The following ATP9B variants were observed in gnomAD, a reference collection of about 807,000 sequenced individuals.
ATP9B encodes the protein probable phospholipid-transporting ATPase IIB.
Under a neutral mutation model 146.1 loss-of-function variants are expected in ATP9B, and 110 were observed. The observed-to-expected ratio is 0.75, with a 90% CI of 0.65 to 0.88. The LOEUF (loss-of-function observed/expected upper bound fraction) is 0.88. Among genes scored for constraint, ATP9B ranks in the 40% least tolerant of loss-of-function variants. The probability of loss-of-function intolerance (pLI) is 0.00; values close to 1 mark genes in which losing one functional copy is unlikely to be tolerated. For missense variants in ATP9B, 1,499 were observed against 1,496.4 expected (o/e 1.00, Z -0.03); for synonymous variants, 604 against 569.7 (o/e 1.06, Z -0.86).
In ATP9B at chr18:79,307,020, C is replaced by T; in HGVS notation, c.1559C>T (p.Ser520Leu). The change falls in exon 15 of 30, where the codon TCA becomes TTA. Residue 520 changes from serine (S) to leucine (L), a missense_variant. Transcript: ENST00000426216. ...CAAGCTGGTGGAAACAATACTGGTT[C>T]AACTCCACTAAGAAAAGCCCAATCT... ...QSQAGGNNTG[S>L]TPLRKAQSSA... 6.2e-7 allele frequency: 1 copy of T among 1,614,154 alleles called. No homozygotes were observed. The highest frequency in any genetic ancestry group is 8.5e-7 in the Non-Finnish European group (1 of 1,179,988).
intron 25 of ATP9B, chr18:79,354,246 G>T (rs558697885): frequency 3.2e-4 from 48 of 152,204 alleles, no homozygotes; most frequent in African/African-American, 1.1e-3. Context: ...ATGAGAGTGT[G>T]TTCTCATAGG....
At position 79,281,621 on chromosome 18, in the gene ATP9B, C is replaced by A. The variant is rs142887406; in HGVS notation, c.1411+4425C>A. Among the ~76,000 whole-genome samples, 1,001 of 152,134 alleles carry A rather than the reference C, an allele frequency of 6.6e-3. 5 individuals are homozygous for A. Among genetic ancestry groups the A allele is most frequent in the African/African-American group, 0.023 (936 of 41,496 alleles). On this transcript the variant is annotated intron_variant, in intron 13 of 29. Coordinates refer to ENST00000426216, the MANE Select transcript of ATP9B (RefSeq NM_198531.5). ...TGACAATGTTTTATAACCAGTAAAT[C>A]TAAAAAGCTGAGTAATAGAAAAATT...
intron 1 of ATP9B, among the ~76,000 whole-genome samples, chr18:79,083,866 T>TTC (rs1485453174): frequency 8.2e-6 from 1 of 122,116 alleles, no homozygotes; most frequent in Non-Finnish European, 1.8e-5. Flanking sequence ...CATCTTCTTC[T>TTC]TTTTTTTTTT....
At chr18:79,287,278 T>C (rs1205804070) in intron 13 of ATP9B, among the ~76,000 whole-genome samples, 4 of 152,220 alleles carry the variant, frequency 2.6e-5, no homozygotes, top group Non-Finnish European at 5.9e-5. Context: ...AGCTATTGAT[T>C]ATTGCCACAA....
chr18:79,332,295 G>A (rs2096795354), intron 17 of ATP9B, among the ~76,000 whole-genome samples: 1 of 152,210 alleles, frequency 6.6e-6, no homozygotes, highest in South Asian at 2.1e-4. Context: ...CGGGTGTGGT[G>A]GCGGGCGCCT....
At chr18:79,079,957 C>T (rs970165603) in intron 1 of ATP9B, among the ~76,000 whole-genome samples, 50 of 152,020 alleles carry the variant, frequency 3.3e-4, no homozygotes, top group African/African-American at 8.9e-4. Context: ...AGATGGTTTT[C>T]GATGTGTGGC....
At chr18:79,307,716 C>T (rs1475091718) in intron 15 of ATP9B, among the ~76,000 whole-genome samples, 8 of 152,144 alleles carry the variant, frequency 5.3e-5, no homozygotes, top group African/African-American at 1.9e-4. Context: ...CCAAAACCTA[C>T]AGAAATGGTA....
At chr18:79,219,522 A>T (rs1052762475) in intron 11 of ATP9B, among the ~76,000 whole-genome samples, 112 of 150,158 alleles carry the variant, frequency 7.5e-4, no homozygotes, top group African/African-American at 2.7e-3. Context: ...TCCAGTAGTA[A>T]CTTAAACAGG....
intron 11 of ATP9B, among the ~76,000 whole-genome samples, chr18:79,244,005 A>G (rs1367014733): frequency 6.6e-6 from 1 of 152,216 alleles, no homozygotes; most frequent in Non-Finnish European, 1.5e-5. Context: ...AATAAAGATA[A>G]TCTAAGTTGG....
intron 10 of ATP9B, among the ~76,000 whole-genome samples, chr18:79,208,232 G>T (rs1046197475): frequency 2.6e-5 from 4 of 152,318 alleles, no homozygotes; most frequent in Middle Eastern, 6.8e-3. Flanking sequence ...GCGACAGAGC[G>T]AGATGCCATC....
chr18:79,189,207 C>T (rs11876911), intron 8 of ATP9B, among the ~76,000 whole-genome samples: 4,018 of 151,992 alleles, frequency 0.026, 197 homozygotes, highest in African/African-American at 0.091. Context: ...ATCATCCGGG[C>T]GTGGTGGTGT....
At chr18:79,196,292 T>C (rs1331404967) in intron 9 of ATP9B, among the ~76,000 whole-genome samples, 1 of 152,290 alleles carries the variant, frequency 6.6e-6, no homozygotes, top group East Asian at 1.9e-4. Context: ...GTGAATAATC[T>C]TACAGAGGAT....
intron 8 of ATP9B, among the ~76,000 whole-genome samples, chr18:79,191,899 T>G (rs2095370313): frequency 6.6e-6 from 1 of 152,198 alleles, no homozygotes; most frequent in South Asian, 2.1e-4. Context: ...AATGATTCAT[T>G]GTAGAGAGGC....
chr18:79,284,621 A>AT (rs1231847741), intron 13 of ATP9B, among the ~76,000 whole-genome samples: 5 of 151,714 alleles, frequency 3.3e-5, no homozygotes, highest in African/African-American at 1.2e-4. Flanking sequence ...ATTTTTTTTA[A>AT]TTTTTTTATT....
At chr18:79,207,128 C>G in intron 10 of ATP9B, 116 bp downstream of exon 10, 1 of 956,218 alleles carries the variant, frequency 1.0e-6, no homozygotes, top group Admixed American at 2.1e-5. Flanking sequence ...AGGGACCTTG[C>G]TAAACGCAGA....
Position 79,126,356 on chromosome 18 carries a change from T to TAGC in ATP9B, c.650_652dup (p.Ser217dup). The TAGC allele has an allele frequency of 6.2e-7, 1 of 1,610,996 alleles. No homozygotes were observed. The highest frequency in any genetic ancestry group is 8.5e-7 in the Non-Finnish European group (1 of 1,177,904). ...ACAAGGAAGTGAATTCACAACTATA[T>TAGC]AGCAAGCTTACAGTAAGAGGTCAGC... On this transcript the variant is annotated inframe_insertion, in exon 5 of 30. Transcript: ENST00000426216.
chr18:79,373,812 G>C (rs1027205248), intron 27 of ATP9B, 86 bp from the exon 28 acceptor site: 34 of 1,405,122 alleles, frequency 2.4e-5, no homozygotes, highest in Non-Finnish European at 3.1e-5. Context: ...TAAGGGTCTT[G>C]AGTGACGTTG....
At chr18:79,193,744 G>A (rs918944083) in intron 9 of ATP9B, among the ~76,000 whole-genome samples, 6 of 152,106 alleles carry the variant, frequency 3.9e-5, no homozygotes, top group Admixed American at 2.6e-4. Context: ...TGACTAACAG[G>A]GCTTGAGAGA....
chr18:79,155,517 T>C (rs950387220), intron 7 of ATP9B, among the ~76,000 whole-genome samples: 3 of 152,334 alleles, frequency 2.0e-5, no homozygotes, highest in Admixed American at 2.0e-4. Flanking sequence ...TCAAGTAATA[T>C]GCAGAGTTTC....
Sources: gnomAD v4.1 joint callset for allele counts (sites outside exome capture counted in the v4.1 genomes callset) on GRCh38, gnomAD v4.1.1 for gene constraint, MANE v1.5 for transcripts, NCBI Gene and HGNC (gene_info 2026-07-23, HGNC 2026-07-21) for gene names.